Variants in PCDHA3 observed in about 807,000 individuals in gnomAD.
PCDHA3 encodes the protein protocadherin alpha-3.
PCDHA3 carries 41 observed loss-of-function variants against 62.2 expected under a neutral mutation model. The ratio of observed to expected loss-of-function variants is 0.66; its 90% CI spans 0.51 to 0.86. The LOEUF (loss-of-function observed/expected upper bound fraction) is 0.86, where lower values mean the gene tolerates loss of function less well. Among genes scored for constraint, PCDHA3 ranks in the 40% least tolerant of loss-of-function variants. PCDHA3 has a pLI of 0.00. For missense variants in PCDHA3, 1,304 were observed against 1,241.2 expected (o/e 1.05, Z -0.76); for synonymous variants, 640 against 555.4 (o/e 1.15, Z -2.14).
intron 1 of PCDHA3, chr5:140,816,177 G>A (rs1429127020): frequency 1.3e-5 from 2 of 152,054 alleles, no homozygotes; most frequent in African/African-American, 4.8e-5. Context: ...AATTTCTTAG[G>A]CTTTCTTTAC....
chr5:140,937,595 C>A (rs940943581), intron 1 of PCDHA3, among the ~76,000 whole-genome samples: 1 of 150,652 alleles, frequency 6.6e-6, no homozygotes, highest in South Asian at 2.1e-4. Flanking sequence ...CTAGCCTGGG[C>A]AACAGAGTGA....
At chr5:140,847,270 T>A (rs1780933593) in intron 1 of PCDHA3, among the ~76,000 whole-genome samples, 1 of 149,770 alleles carries the variant, frequency 6.7e-6, no homozygotes, top group African/African-American at 2.4e-5. Context: ...TGAAAGAAGG[T>A]TGAACGGGAA....
chr5:140,944,209 A>T (rs1003348568), intron 1 of PCDHA3, among the ~76,000 whole-genome samples: 5 of 152,298 alleles, frequency 3.3e-5, no homozygotes, highest in Non-Finnish European at 5.9e-5. Flanking sequence ...TTGTTTTTAA[A>T]GAGGGTTTTA....
Position 140,945,638 on chromosome 5 carries a change from A to G in PCDHA3, c.2395-33311A>G, listed in dbSNP as rs187448798. ...CATGGTACTGGCATAAAAGACATGTAGACCAATGGAGCAGAATACAGCTCC... is the reference window on the plus strand; with the variant it reads ...CATGGTACTGGCATAAAAGACATGTGGACCAATGGAGCAGAATACAGCTCC... On this transcript the variant is annotated intron_variant, in intron 1 of 3. Transcript: ENST00000522353. 2.6e-5 allele frequency among the ~76,000 whole-genome samples: 4 copies of G among 152,300 alleles called. No homozygotes were observed. The East Asian group carries it at 5.8e-4, about 22-fold the overall frequency.
chr5:140,982,882 C>A (rs1554244920), intron 3 of PCDHA3, among the ~76,000 whole-genome samples: 1 of 151,972 alleles, frequency 6.6e-6, no homozygotes, highest in African/African-American at 2.4e-5. Flanking sequence ...CCAAGCCATG[C>A]AGAGAAGATC....
chr5:141,000,647 C>G (rs1442819157), intron 3 of PCDHA3, among the ~76,000 whole-genome samples: 1 of 151,182 alleles, frequency 6.6e-6, no homozygotes, highest in Non-Finnish European at 1.5e-5. Context: ...AGGCTGGTCT[C>G]GAACTCCTGA....
At chr5:141,000,079 G>A (rs1233130123) in intron 3 of PCDHA3, among the ~76,000 whole-genome samples, 2 of 152,102 alleles carry the variant, frequency 1.3e-5, no homozygotes, top group Non-Finnish European at 2.9e-5. Flanking sequence ...CACAATGCTA[G>A]GCCTGTGAAT....
chr5:140,909,380 C>T (rs1247939021), intron 1 of PCDHA3, among the ~76,000 whole-genome samples: 2 of 152,194 alleles, frequency 1.3e-5, no homozygotes, highest in East Asian at 1.9e-4. Context: ...AATGAAACCA[C>T]ATCTAGTACA....
At chr5:140,975,130 G>C (rs1445050521) in intron 1 of PCDHA3, among the ~76,000 whole-genome samples, 1 of 152,082 alleles carries the variant, frequency 6.6e-6, no homozygotes, top group Non-Finnish European at 1.5e-5. Flanking sequence ...CTTACTATTG[G>C]CCTGGGGTCA....
chr5:140,830,085 T>C, intron 1 of PCDHA3: 2 of 1,613,570 alleles, frequency 1.2e-6, no homozygotes, highest in Non-Finnish European at 1.7e-6. Flanking sequence ...ACGGCCACGG[T>C]TCTGGTGTCG....
At chr5:140,818,146 T>C (rs1554127394) in intron 1 of PCDHA3, among the ~76,000 whole-genome samples, 1 of 152,228 alleles carries the variant, frequency 6.6e-6, no homozygotes, top group African/African-American at 2.4e-5. Flanking sequence ...TGCCTTCAAA[T>C]ACGGCTTCTA....
At chr5:140,850,169 G>A in intron 1 of PCDHA3, 2 of 1,594,742 alleles carry the variant, frequency 1.3e-6, no homozygotes, top group Non-Finnish European at 1.7e-6. Flanking sequence ...TGCTGGACGA[G>A]AACGACAATG....
intron 1 of PCDHA3, among the ~76,000 whole-genome samples, chr5:140,952,541 T>G (rs1554220493): frequency 6.6e-6 from 1 of 152,140 alleles, no homozygotes; most frequent in African/African-American, 2.4e-5. Flanking sequence ...CTGGACTTCT[T>G]TGTCCATTTC....
Position 140,803,540 on chromosome 5 carries a change from T to C in PCDHA3, c.2343T>C (p.Ile781=), listed in dbSNP as rs781803619. ...AFSPSLPPCP[I]SRDREEKQDV... ...GCCCTAGCCTTCCTCCTTGTCCAAT[T>C]AGCCGGGATAGAGAGGAGAAACAGG... The change falls in exon 1 of 4, where the codon ATT becomes ATC. Residue 781 remains isoleucine (I), a synonymous_variant. Coordinates refer to ENST00000522353, the MANE Select transcript of PCDHA3 (RefSeq NM_018906.3). The C allele has an allele frequency of 5.0e-6, 8 of 1,614,182 alleles. No homozygotes were observed. Among genetic ancestry groups the C allele is most frequent in the Non-Finnish European group, 6.8e-6 (8 of 1,180,020 alleles).
chr5:140,996,198 G>T (rs2097716643), intron 3 of PCDHA3, among the ~76,000 whole-genome samples: 1 of 152,168 alleles, frequency 6.6e-6, no homozygotes, highest in Non-Finnish European at 1.5e-5. Context: ...TACCCTCAAT[G>T]CAAGGATATC....
At chr5:140,941,797 A>G (rs1425454318) in intron 1 of PCDHA3, among the ~76,000 whole-genome samples, 1 of 152,224 alleles carries the variant, frequency 6.6e-6, no homozygotes, top group African/African-American at 2.4e-5. Flanking sequence ...AAGAATATTT[A>G]GTTGATTTCA....
chr5:140,990,155 G>A (rs1483856647), intron 3 of PCDHA3, among the ~76,000 whole-genome samples: 2 of 152,076 alleles, frequency 1.3e-5, no homozygotes, highest in Admixed American at 6.5e-5. Context: ...ATAATAGAAA[G>A]TTAGGGTATG....
intron 1 of PCDHA3, chr5:140,871,257 G>T (rs374337862): frequency 6.8e-6 from 11 of 1,613,808 alleles, no homozygotes; most frequent in Admixed American, 1.7e-5. Flanking sequence ...TGCTGTATAC[G>T]GCGCTGTGGT....
chr5:140,823,734 T>A, intron 1 of PCDHA3: 5 of 1,613,778 alleles, frequency 3.1e-6, no homozygotes, highest in Non-Finnish European at 4.2e-6. Context: ...TGAAGGACCA[T>A]GGAGAGCCCC....
Sources: allele counts gnomAD v4.1 joint callset (sites outside exome capture counted in the v4.1 genomes callset), GRCh38; gene constraint gnomAD v4.1.1; transcripts MANE v1.5; gene names NCBI Gene and HGNC (gene_info 2026-07-23, HGNC 2026-07-21).